The following TTLL11 variants were observed in gnomAD, a reference collection of about 807,000 sequenced individuals.
The protein encoded by TTLL11 is tubulin tyrosine ligase like 11, also known as tubulin polyglutamylase TTLL11.
Under a neutral mutation model 51.7 loss-of-function variants are expected in TTLL11, and 42 were observed. That is an observed-to-expected ratio of 0.81 (90% confidence interval 0.64 to 1.05). The LOEUF is 1.05. Among genes scored for constraint, TTLL11 ranks in the 50% least tolerant of loss-of-function variants. TTLL11 has a pLI of 0.00. For missense variants in TTLL11, 799 were observed against 940.4 expected (o/e 0.85, Z 1.97); for synonymous variants, 381 against 383.5 (o/e 0.99, Z 0.08).
intron 1 of TTLL11, among the ~76,000 whole-genome samples, chr9:122,074,277 T>C (rs1358858184): frequency 7.5e-6 from 1 of 133,558 alleles, no homozygotes; most frequent in East Asian, 2.2e-4. Flanking sequence ...TCATCTCAAT[T>C]AAAAAAAAAA....
chr9:121,890,550 C>T lies in TTLL11; in HGVS notation c.1482-19802G>A, dbSNP rs918109546. On this transcript the variant is annotated intron_variant, in intron 6 of 8. Transcript: ENST00000321582. The surrounding 1 kb of genome is among the most constrained non-coding windows in gnomAD (Gnocchi z 4.3). ...CAAGTGCAGCCCACAATCTTCCCAG[C>T]CCTCCAGAGCTCTCCCTGCTTCATT... Among the ~76,000 whole-genome samples the T allele has an allele frequency of 6.6e-6, 1 of 152,200 alleles. No homozygotes were observed. Among genetic ancestry groups the T allele is most frequent in the Non-Finnish European group, 1.5e-5 (1 of 68,048 alleles).
At chr9:121,953,404 G>A (rs1564323427) in intron 6 of TTLL11, among the ~76,000 whole-genome samples, 1 of 151,922 alleles carries the variant, frequency 6.6e-6, no homozygotes. Context: ...TGGCTGAGGC[G>A]GGCGGATCAC....
chr9:121,912,601 T>G (rs952338057), intron 6 of TTLL11, among the ~76,000 whole-genome samples: 1 of 152,070 alleles, frequency 6.6e-6, no homozygotes, highest in African/African-American at 2.4e-5. Context: ...CTGTTGAACT[T>G]GTCACCCCCT....
At chr9:121,895,501 GTA>G (rs1325330383) in intron 6 of TTLL11, among the ~76,000 whole-genome samples, 1 of 151,082 alleles carries the variant, frequency 6.6e-6, no homozygotes, top group African/African-American at 2.4e-5. Context: ...GTGGTTGTGT[GTA>G]GTTTTGTGTT....
chr9:121,929,592 A>G (rs78954434), intron 6 of TTLL11, among the ~76,000 whole-genome samples: 11,752 of 146,634 alleles, frequency 0.08, 662 homozygotes, highest in African/African-American at 0.17. Context: ...GGCCATTTGC[A>G]GGGGACACAA....
intron 6 of TTLL11, among the ~76,000 whole-genome samples, chr9:121,873,518 G>T (rs933654390): frequency 1.3e-5 from 2 of 151,380 alleles, no homozygotes; most frequent in South Asian, 2.1e-4. Context: ...CACCATGTTG[G>T]TCAGGCTGGT....
At chr9:121,837,546 G>A (rs1446347444) in intron 8 of TTLL11, among the ~76,000 whole-genome samples, 1 of 152,102 alleles carries the variant, frequency 6.6e-6, no homozygotes, top group Non-Finnish European at 1.5e-5. Flanking sequence ...AGGAAAGGGA[G>A]TTTGTCTACA....
rs1467360963 is a variant in TTLL11 at position 121,819,826 on chromosome 9, G to A, written c.*2761C>T. Among the ~76,000 whole-genome samples the A allele has an allele frequency of 6.6e-6, 1 of 152,214 alleles. No homozygotes were observed. Among genetic ancestry groups the A allele is most frequent in the South Asian group, 2.1e-4 (1 of 4,822 alleles). ...ATTACATCCAATAAAACGAGTGGCC[G>A]ATTACCAAAGGGGTAAACACAGTGG... On this transcript the variant is annotated 3_prime_UTR_variant, in exon 9 of 9. Transcript: ENST00000321582.
chr9:121,926,741 G>C (rs1840750043), intron 6 of TTLL11, among the ~76,000 whole-genome samples: 1 of 152,216 alleles, frequency 6.6e-6, no homozygotes, highest in Non-Finnish European at 1.5e-5. Context: ...AGCCAGGCCT[G>C]GCTTTGGATC....
In TTLL11 at chr9:121,853,411, T is replaced by C. The variant is rs1482382595; in HGVS notation, c.1840+6926A>G. ...CCAGCCTGAGCACTGGGGGAGGCTC[T>C]GTGAGGGAGGGGACCTGGGGGGTGG... On this transcript the variant is annotated intron_variant, in intron 8 of 8. Transcript: ENST00000321582. This position sits in a 1 kb window ranked among gnomAD's most constrained non-coding sequence, Gnocchi z 5.6. Among the ~76,000 whole-genome samples, 2 of 87,314 alleles carry C rather than the reference T, an allele frequency of 2.3e-5. No homozygotes were observed. The highest frequency in any genetic ancestry group is 4.6e-5 in the Non-Finnish European group (2 of 43,518). The allele number at this position is 87,314 out of a possible 152,430, so 57.3% of individuals were successfully genotyped here. A position where few individuals can be genotyped will look rare whatever the true frequency, so the allele number is the denominator to read the frequency against.
At chr9:122,060,480 C>CA (rs1202718566) in intron 1 of TTLL11, among the ~76,000 whole-genome samples, 1 of 152,176 alleles carries the variant, frequency 6.6e-6, no homozygotes, top group Non-Finnish European at 1.5e-5. Flanking sequence ...CATGGGAAAG[C>CA]CAAGACGTTA....
chr9:121,838,096 G>A (rs7862029), intron 8 of TTLL11, among the ~76,000 whole-genome samples: 3 of 152,044 alleles, frequency 2.0e-5, no homozygotes, highest in Non-Finnish European at 4.4e-5. Context: ...AGGCCAGCCT[G>A]CTTTTTTGCC....
intron 6 of TTLL11, among the ~76,000 whole-genome samples, chr9:121,907,007 A>G (rs928922367): frequency 1.3e-5 from 2 of 152,084 alleles, no homozygotes; most frequent in Non-Finnish European, 2.9e-5. Flanking sequence ...TATTTACTTT[A>G]CTCAATAAAT....
chr9:122,041,225 T>C (rs993282378), intron 1 of TTLL11, among the ~76,000 whole-genome samples: 16 of 152,244 alleles, frequency 1.1e-4, no homozygotes, highest in Non-Finnish European at 2.2e-4. Flanking sequence ...GCTAGGAATA[T>C]GGGGGATATA....
At chr9:121,832,227 G>T (rs1017182369) in intron 8 of TTLL11, among the ~76,000 whole-genome samples, 5 of 152,070 alleles carry the variant, frequency 3.3e-5, no homozygotes, top group Non-Finnish European at 5.9e-5. Context: ...TTCTGCTGAG[G>T]TGCACCTAGC....
chr9:121,927,452 A>C (rs1840778264), intron 6 of TTLL11, among the ~76,000 whole-genome samples: 1 of 152,220 alleles, frequency 6.6e-6, no homozygotes, highest in African/African-American at 2.4e-5. Context: ...CTCTCCCTGA[A>C]CTATGATCCA....
At chr9:121,975,657 A>G (rs1842689035) in intron 4 of TTLL11, among the ~76,000 whole-genome samples, 1 of 152,198 alleles carries the variant, frequency 6.6e-6, no homozygotes. Flanking sequence ...GGTTGCAGTG[A>G]GCCAAGATGG....
At chr9:121,873,648 T>C (rs1303973806) in intron 6 of TTLL11, among the ~76,000 whole-genome samples, 1 of 150,074 alleles carries the variant, frequency 6.7e-6, no homozygotes, top group African/African-American at 2.5e-5. Flanking sequence ...TCCTCTCTTC[T>C]TCTTCTTCTT....
chr9:121,897,422 C>T (rs369025037), intron 6 of TTLL11, among the ~76,000 whole-genome samples: 84 of 152,206 alleles, frequency 5.5e-4, no homozygotes, highest in Non-Finnish European at 1.0e-3. Flanking sequence ...GCCCTGGCTT[C>T]GGCTCATTTT....
Sources: gnomAD v4.1 joint callset for allele counts (sites outside exome capture counted in the v4.1 genomes callset) on GRCh38, gnomAD v4.1.1 for gene constraint, Gnocchi (gnomAD v3.1) non-coding constraint, MANE v1.5 for transcripts, NCBI Gene and HGNC (gene_info 2026-07-23, HGNC 2026-07-21) for gene names.